SENP3: variants seen among roughly 807,000 people sequenced by gnomAD.
SENP3 encodes the protein sentrin-specific protease 3.
Under a neutral mutation model 66.2 loss-of-function variants are expected in SENP3, and 11 were observed. The observed-to-expected ratio is 0.17, with a 90% CI of 0.10 to 0.28. The LOEUF is 0.28. Among genes scored for constraint, SENP3 ranks in the 10% least tolerant of loss-of-function variants. The probability of loss-of-function intolerance (pLI) is 1.00; values close to 1 mark genes in which losing one functional copy is unlikely to be tolerated. For synonymous variants in SENP3, 292 were observed against 277.6 expected (o/e 1.05, Z -0.52); for missense variants, 548 against 743.7 (o/e 0.74, Z 3.06).
At chr17:7,569,182 A>G (rs1173126568) in intron 7 of SENP3, among the ~76,000 whole-genome samples, 3 of 151,922 alleles carry the variant, frequency 2.0e-5, no homozygotes, top group South Asian at 2.1e-4. Context: ...TCAGGAGATC[A>G]AGACCATCCT....
At position 7,570,741 on chromosome 17, in the gene SENP3, G is replaced by T. The variant is rs1484131348; in HGVS notation, c.1540G>T (p.Gly514Cys). 2 of 1,612,244 alleles carry T rather than the reference G, an allele frequency of 1.2e-6. No homozygotes were observed. Among genetic ancestry groups the T allele is most frequent in the Non-Finnish European group, 1.7e-6 (2 of 1,179,078 alleles). The change falls in exon 9 of 11, where the codon GGC becomes TGC. Residue 514 changes from glycine (G) to cysteine (C), a missense_variant. Gly to Cys is a radical substitution (Grantham distance 159, BLOSUM62 -3). Coordinates refer to ENST00000321337, the MANE Select transcript of SENP3 (RefSeq NM_015670.6). The surrounding 1 kb of genome is among the most constrained non-coding windows in gnomAD (Gnocchi z 5.4). Reference sequence around the variant, plus strand: ...GAAAGACCGACTGGATTTCCACCAGGGCTGGAAAGGTTACTTCAAAATGGT... The same window carrying T: ...GAAAGACCGACTGGATTTCCACCAGTGCTGGAAAGGTTACTTCAAAATGGT... ...VKKDRLDFHQGWKGYFKMNVA... is the reference protein window; with the variant it reads ...VKKDRLDFHQCWKGYFKMNVA...
rs376549053 is a variant in SENP3, at chr17:7,562,789, C to T, written c.-11-277C>T. ...AATAAAGACGTAGAACCTGGCAGTG[C>T]TATTGGGTTTGGCCTGGTGATCTTA... On this transcript the variant is annotated intron_variant, in intron 1 of 10. Coordinates refer to ENST00000321337, the MANE Select transcript of SENP3 (RefSeq NM_015670.6). The surrounding 1 kb of genome is among the most constrained non-coding windows in gnomAD (Gnocchi z 5.0). 5.9e-5 allele frequency among the ~76,000 whole-genome samples: 9 copies of T among 152,178 alleles called. No individual in the cohort carries two copies. Among genetic ancestry groups the T allele is most frequent in the African/African-American group, 1.9e-4 (8 of 41,440 alleles).
chr17:7,570,590 C>T lies in SENP3; in HGVS notation c.1480-91C>T. 2 of 1,567,414 alleles carry T rather than the reference C, an allele frequency of 1.3e-6. No homozygotes were observed. Among genetic ancestry groups the T allele is most frequent in the Non-Finnish European group, 1.7e-6 (2 of 1,152,030 alleles). On this transcript the variant is annotated intron_variant, in intron 8 of 10. Coordinates refer to ENST00000321337, the MANE Select transcript of SENP3 (RefSeq NM_015670.6). The surrounding 1 kb of genome is among the most constrained non-coding windows in gnomAD (Gnocchi z 5.4). ...TGGGCTTTGGGTCTTTGAGGGGCGACCTGGGCATGGTGTCTGCCAGCACTG... is the reference window on the plus strand; with the variant it reads ...TGGGCTTTGGGTCTTTGAGGGGCGATCTGGGCATGGTGTCTGCCAGCACTG...
rs2071253736 is a variant in SENP3, at chr17:7,564,687, A to G, written c.778A>G (p.Ser260Gly). ...GGQSGPEGERSLAPPDASILI... is the reference protein window; with the variant it reads ...GGQSGPEGERGLAPPDASILI... ...ACAATCTGGGCCAGAAGGGGAGCGC[A>G]GCTTGGCACCCCCTGATGCCAGCAT... The change falls in exon 3 of 11, where the codon AGC becomes GGC. Residue 260 changes from serine (S) to glycine (G), a missense_variant. This residue lies in a region of SENP3 where 215 missense variants were observed against 230.7 expected (regional missense o/e 0.93). Coordinates refer to ENST00000321337, the MANE Select transcript of SENP3 (RefSeq NM_015670.6). 1 of 1,613,906 alleles carries G rather than the reference A, an allele frequency of 6.2e-7. No individual in the cohort carries two copies. Among genetic ancestry groups the G allele is most frequent in the African/African-American group, 1.3e-5 (1 of 74,914 alleles).
Position 7,564,968 on chromosome 17 carries a change from A to G in SENP3, c.965A>G (p.Asp322Gly). The G allele has an allele frequency of 1.2e-6, 2 of 1,612,742 alleles. No homozygotes were observed. The highest frequency in any genetic ancestry group is 1.7e-6 in the Non-Finnish European group (2 of 1,178,856). The change falls in exon 4 of 11, where the codon GAC (aspartate) becomes GGC (glycine). Residue 322 changes from aspartate to glycine, a missense_variant. Asp to Gly is a moderately conservative substitution (Grantham distance 94). This residue lies in a region of SENP3 where 215 missense variants were observed against 230.7 expected (regional missense o/e 0.93). Transcript: ENST00000321337. ...EHVTCVQSIL[D>G]EFLQTYGSLI... is the part of the protein sequence containing the mutation. ...TCTCCCTTTCCACCAGGCATCTTGG[A>G]CGAATTCCTTCAAACGTATGGCAGC...
At position 7,566,197 on chromosome 17, in the gene SENP3, C is replaced by T. The variant is rs141982352; in HGVS notation, c.1263+433C>T. 726 of 162,106 alleles carry T rather than the reference C, an allele frequency of 4.5e-3. 8 individuals carry two copies. The highest frequency in any genetic ancestry group is 0.016 in the African/African-American group (674 of 41,212). The allele number at this position is 162,106 out of a possible 1,614,324, so 10.0% of individuals were successfully genotyped here. ...TCTCTACTAAAAATACAAAATTAGCCGGGCATGGTGGTGCATGCCTATAAT... is the reference window on the plus strand; with the variant it reads ...TCTCTACTAAAAATACAAAATTAGCTGGGCATGGTGGTGCATGCCTATAAT... On this transcript the variant is annotated intron_variant, in intron 6 of 10. Transcript: ENST00000321337.
chr17:7,562,407 G>C lies in SENP3; in HGVS notation c.-12+144G>C, dbSNP rs888562917. 2.5e-5 allele frequency: 10 copies of C among 395,638 alleles called. No individual in the cohort carries two copies. Among genetic ancestry groups the C allele is most frequent in the African/African-American group, 1.6e-4 (8 of 48,694 alleles). The allele number at this position is 395,638 out of a possible 1,614,324, so 24.5% of individuals were successfully genotyped here. A position where few individuals can be genotyped will look rare whatever the true frequency, so the allele number is the denominator to read the frequency against. On this transcript the variant is annotated intron_variant, in intron 1 of 10. Transcript: ENST00000321337. This position sits in a 1 kb window ranked among gnomAD's most constrained non-coding sequence, Gnocchi z 5.0. ...CCGAGCCATCCAAGCTCGTGGGACC[G>C]GACTGGTGCCGGGTTGCATTCTGGT...
Position 7,562,370 on chromosome 17 carries a change from G to T in SENP3, c.-12+107G>T. Reference sequence around the variant, plus strand: ...AGAGGCCCGCATAGGGGCTTCTTAAGGCCCGTGTGCGCCGAGCCATCCAAG... The same window carrying T: ...AGAGGCCCGCATAGGGGCTTCTTAATGCCCGTGTGCGCCGAGCCATCCAAG... On this transcript the variant is annotated intron_variant, in intron 1 of 10. Coordinates refer to ENST00000321337, the MANE Select transcript of SENP3 (RefSeq NM_015670.6). This position sits in a 1 kb window ranked among gnomAD's most constrained non-coding sequence, Gnocchi z 5.0. 5.1e-6 allele frequency: 2 copies of T among 396,000 alleles called. No individual in the cohort carries two copies. Among genetic ancestry groups the T allele is most frequent in the Non-Finnish European group, 8.9e-6 (2 of 224,830 alleles). 24.5% of individuals were successfully genotyped at this position (396,000 alleles called of 1,614,324 possible).
Position 7,564,746 on chromosome 17 carries a change from T to A in SENP3, c.837T>A (p.His279Gln). The change falls in exon 3 of 11, where the codon CAT becomes CAA. Residue 279 changes from histidine (H) to glutamine (Q), a missense_variant. Transcript: ENST00000321337. The part of the protein sequence containing the change: ...LISNVCSIGD[H>Q]VAQELFQGSD... ...GCAATGTGTGCAGCATCGGGGACCA[T>A]GTGGCCCAGGAGCTTTTTCAGGGCT... The A allele has an allele frequency of 6.2e-7, 1 of 1,613,998 alleles. No homozygotes were observed. The highest frequency in any genetic ancestry group is 8.5e-7 in the Non-Finnish European group (1 of 1,179,896).
Position 7,570,150 on chromosome 17 carries a change from C to G in SENP3, c.1342-206C>G, listed in dbSNP as rs1352917961. On this transcript the variant is annotated intron_variant, in intron 7 of 10. Coordinates refer to ENST00000321337, the MANE Select transcript of SENP3 (RefSeq NM_015670.6). The surrounding 1 kb of genome is among the most constrained non-coding windows in gnomAD (Gnocchi z 5.4). ...CATCATGGGTTCTCCAGTGTTCGTTCTGATGTCTCCTCCATTGTCTGACCT... is the reference window on the plus strand; with the variant it reads ...CATCATGGGTTCTCCAGTGTTCGTTGTGATGTCTCCTCCATTGTCTGACCT... Among the ~76,000 whole-genome samples the G allele has an allele frequency of 6.6e-6, 1 of 152,142 alleles. No homozygotes were observed. The highest frequency in any genetic ancestry group is 2.4e-5 in the African/African-American group (1 of 41,414).
In SENP3 at chr17:7,563,086, A is replaced by T; in HGVS notation, c.10A>T (p.Thr4Ser). ...TTCAGGGTACTGGAAGATGAAAGAGACTATACAAGGGACCGGGTCCTGGGG... is the reference window on the plus strand; with the variant it reads ...TTCAGGGTACTGGAAGATGAAAGAGTCTATACAAGGGACCGGGTCCTGGGG... MKE[T>S]IQGTGSWGPE... The change falls in exon 2 of 11, where the codon ACT becomes TCT. Residue 4 changes from threonine to serine, a missense_variant. By Grantham distance (58) the Thr-to-Ser change is moderately conservative. Around this residue, in one of 6 missense-constraint regions of SENP3, gnomAD observed 164 missense variants for 167.9 expected, o/e 0.98. Transcript: ENST00000321337. The T allele has an allele frequency of 6.7e-7, 1 of 1,500,078 alleles. No individual in the cohort carries two copies. Among genetic ancestry groups the T allele is most frequent in the East Asian group, 2.4e-5 (1 of 42,262 alleles). 92.9% of individuals were successfully genotyped at this position (1,500,078 alleles called of 1,614,324 possible).
In SENP3 at chr17:7,562,309, C is replaced by T. The variant is rs2071223276; in HGVS notation, c.-12+46C>T. 2.5e-6 allele frequency: 1 copy of T among 397,470 alleles called. No individual in the cohort carries two copies. The highest frequency in any genetic ancestry group is 4.4e-6 in the Non-Finnish European group (1 of 225,408). 24.6% of individuals were successfully genotyped at this position (397,470 alleles called of 1,614,324 possible). A position where few individuals can be genotyped will look rare whatever the true frequency, so the allele number is the denominator to read the frequency against. On this transcript the variant is annotated intron_variant, in intron 1 of 10. Transcript: ENST00000321337. The surrounding 1 kb of genome is among the most constrained non-coding windows in gnomAD (Gnocchi z 5.0). ...CCCCCCAGCCCTGCCTTGGCCTCTC[C>T]CATTCCTGGGCCTCGCTCCCACCGA...
At position 7,563,695 on chromosome 17, in the gene SENP3, G is replaced by T; in HGVS notation, c.619G>T (p.Asp207Tyr). 6.2e-7 allele frequency: 1 copy of T among 1,613,040 alleles called. No individual in the cohort carries two copies. Among genetic ancestry groups the T allele is most frequent in the Non-Finnish European group, 8.5e-7 (1 of 1,179,820 alleles). Residue 207 changes from aspartate (D) to tyrosine (Y), a missense_variant, in exon 2 of 11, where the codon GAT becomes TAT. Asp to Tyr is a radical substitution (Grantham distance 160). Transcript: ENST00000321337. ...LGLLGALMAE[D>Y]GVRGSPPVPS... ...TCTGCTAGGTGCTCTCATGGCTGAG[G>T]ATGGGGTGAGAGGGTCTCCACCAGT...
chr17:7,568,970 C>T (rs1232923282), intron 7 of SENP3, among the ~76,000 whole-genome samples: 1 of 152,232 alleles, frequency 6.6e-6, no homozygotes, highest in East Asian at 1.9e-4. Flanking sequence ...TGGGGGATAC[C>T]CAGCTGTGTC....
At chr17:7,564,911 A>G in intron 3 of SENP3, 47 bp downstream of exon 3, 1 of 1,606,852 alleles carries the variant, frequency 6.2e-7, no homozygotes, top group East Asian at 2.2e-5. Context: ...TCCGACTCCT[A>G]GAGGAGAGTC....
chr17:7,562,260 C>G lies in SENP3; in HGVS notation c.-15C>G. ...GGCCCGTCCGCCCGGCTTCCCCGCT[C>G]CCGGTGAGGACGCCCCCTCCCCTCC... On this transcript the variant is annotated 5_prime_UTR_variant, in exon 1 of 11. Coordinates refer to ENST00000321337, the MANE Select transcript of SENP3 (RefSeq NM_015670.6). The surrounding 1 kb of genome is among the most constrained non-coding windows in gnomAD (Gnocchi z 5.0). 2.5e-6 allele frequency: 1 copy of G among 398,338 alleles called. No homozygotes were observed. 24.7% of individuals were successfully genotyped at this position (398,338 alleles called of 1,614,324 possible).
chr17:7,570,192 A>G lies in SENP3; in HGVS notation c.1342-164A>G, dbSNP rs569583887. The stretch of plus-strand genomic sequence containing the variant: ...GTCTGACCTTCCTCCCTTACCCCGA[A>G]GAACCGAAACATGCAGATCCTGAGC... On this transcript the variant is annotated intron_variant, in intron 7 of 10. Transcript: ENST00000321337. The surrounding 1 kb of genome is among the most constrained non-coding windows in gnomAD (Gnocchi z 5.4). Among the ~76,000 whole-genome samples, 2 of 152,286 alleles carry G rather than the reference A, an allele frequency of 1.3e-5. No homozygotes were observed. Among genetic ancestry groups the G allele is most frequent in the Non-Finnish European group, 2.9e-5 (2 of 68,028 alleles).
chr17:7,568,152 T>C (rs1441555833), intron 7 of SENP3, among the ~76,000 whole-genome samples: 1 of 151,218 alleles, frequency 6.6e-6, no homozygotes, highest in Non-Finnish European at 1.5e-5. Flanking sequence ...AGTTGATTCA[T>C]GGCTAGCCCC....
In SENP3 at chr17:7,571,761, C is replaced by T. The variant is rs1383277096; in HGVS notation, c.*278C>T. On this transcript the variant is annotated 3_prime_UTR_variant, in exon 11 of 11. Coordinates refer to ENST00000321337, the MANE Select transcript of SENP3 (RefSeq NM_015670.6). ...TGGAGCAGTCATCCTCCCCCTTCCC[C>T]GTGCAGGGAGCAGGAAATCAGTGCT... is the stretch of plus-strand genomic sequence containing the variant. 5 of 214,370 alleles carry T rather than the reference C, an allele frequency of 2.3e-5. No individual in the cohort carries two copies. The highest frequency in any genetic ancestry group is 2.3e-4 in the South Asian group (4 of 17,716). 13.3% of individuals were successfully genotyped at this position (214,370 alleles called of 1,614,324 possible).
Sources: allele counts gnomAD v4.1 joint callset (sites outside exome capture counted in the v4.1 genomes callset), GRCh38; gene constraint gnomAD v4.1.1; regional missense constraint gnomAD v4.1.1; non-coding constraint Gnocchi (gnomAD v3.1); transcripts MANE v1.5; gene names NCBI Gene and HGNC (gene_info 2026-07-23, HGNC 2026-07-21).